Variants in CHD6 observed in about 807,000 individuals in gnomAD.
CHD6 encodes the protein chromodomain helicase DNA binding protein 6, also known as ATP-dependent chromatin remodeler CHD6.
CHD6 carries 50 observed loss-of-function variants against 276.9 expected under a neutral mutation model. That is an observed-to-expected ratio of 0.18 (90% CI 0.14 to 0.23). The LOEUF (loss-of-function observed/expected upper bound fraction) is 0.23. CHD6 is among the 10% of genes least tolerant of loss of function. The probability of loss-of-function intolerance (pLI) is 1.00; values close to 1 mark genes in which losing one functional copy is unlikely to be tolerated. For synonymous variants in CHD6, 1,173 were observed against 1,229.3 expected (o/e 0.95, Z 0.96); for missense variants, 2,564 against 3,365.8 (o/e 0.76, Z 5.89).
At chr20:41,435,163 A>G (rs181339866) in intron 27 of CHD6, among the ~76,000 whole-genome samples, 2 of 152,354 alleles carry the variant, frequency 1.3e-5, no homozygotes, top group Admixed American at 1.3e-4. Context: ...AATACATTAA[A>G]CTGAATGAAA....
chr20:41,551,251 A>C lies in CHD6; in HGVS notation c.33+54T>G, dbSNP rs929060945. On this transcript the variant is annotated intron_variant, in intron 2 of 36. Coordinates refer to ENST00000373233, the MANE Select transcript of CHD6 (RefSeq NM_032221.5). Reference sequence around the variant, plus strand: ...ACACTGCCAGTGTCTCCCCTTGTTGAAAAAGCACCAAGATACCCGGATGCA... The same window carrying C: ...ACACTGCCAGTGTCTCCCCTTGTTGCAAAAGCACCAAGATACCCGGATGCA... 3.8e-5 allele frequency: 46 copies of C among 1,217,560 alleles called. 1 individual carries two copies. Among genetic ancestry groups the C allele is most frequent in the Non-Finnish European group, 5.2e-5 (43 of 832,058 alleles). 75.4% of individuals were successfully genotyped at this position (1,217,560 alleles called of 1,614,324 possible).
chr20:41,422,522 C>T lies in CHD6; in HGVS notation c.4556-443G>A, dbSNP rs141841465. Among the ~76,000 whole-genome samples the T allele has an allele frequency of 7.4e-4, 112 of 152,194 alleles. 1 individual carries two copies. The highest frequency in any genetic ancestry group is 2.6e-3 in the African/African-American group (109 of 41,532). On this transcript the variant is annotated intron_variant, in intron 30 of 36. Coordinates refer to ENST00000373233, the MANE Select transcript of CHD6 (RefSeq NM_032221.5). ...ATTATCTGGGCATGGTAGCATGTACCTATAGTCTGGCTGCTTGGAAGGCTG... is the reference window on the plus strand; with the variant it reads ...ATTATCTGGGCATGGTAGCATGTACTTATAGTCTGGCTGCTTGGAAGGCTG...
At chr20:41,412,346 G>T in intron 35 of CHD6, 83 bp from the exon 36 acceptor site, 1 of 1,505,242 alleles carries the variant, frequency 6.6e-7, no homozygotes. Context: ...AACTGGTTTT[G>T]CTATTGTTCT....
intron 27 of CHD6, among the ~76,000 whole-genome samples, chr20:41,433,447 C>G (rs533621906): frequency 3.1e-4 from 47 of 152,158 alleles, no homozygotes; most frequent in African/African-American, 1.1e-3. Flanking sequence ...CAGAAGCAAG[C>G]GGCAGTACCT....
intron 5 of CHD6, among the ~76,000 whole-genome samples, chr20:41,506,905 A>C (rs1001800098): frequency 1.6e-4 from 24 of 152,356 alleles, no homozygotes; most frequent in Admixed American, 1.3e-3. Flanking sequence ...GAGATTTTGC[A>C]ATAGAATATG....
At chr20:41,484,248 T>A in intron 15 of CHD6, 104 bp downstream of exon 15, 1 of 1,369,982 alleles carries the variant, frequency 7.3e-7, no homozygotes, top group Middle Eastern at 2.6e-4. Context: ...AATGCGTACA[T>A]CCTAGCATAT....
In CHD6 at chr20:41,453,877, T is replaced by A. The variant is rs546266439; in HGVS notation, c.3120+749A>T. Among the ~76,000 whole-genome samples, 3 of 152,242 alleles carry A rather than the reference T, an allele frequency of 2.0e-5. No homozygotes were observed. The East Asian group carries it at 5.8e-4, about 29-fold the overall frequency. ...GCAACCTGTGGTCGTTCTGGCTGGGTGCTGGTTACTGAATTAGCTAGCTAC... is the reference window on the plus strand; with the variant it reads ...GCAACCTGTGGTCGTTCTGGCTGGGAGCTGGTTACTGAATTAGCTAGCTAC... On this transcript the variant is annotated intron_variant, in intron 20 of 36. Coordinates refer to ENST00000373233, the MANE Select transcript of CHD6 (RefSeq NM_032221.5).
At position 41,421,231 on chromosome 20, in the gene CHD6, T is replaced by C. The variant is rs755213389; in HGVS notation, c.5404A>G (p.Ile1802Val). The change falls in exon 31 of 37, where the codon ATT becomes GTT. Residue 1802 changes from isoleucine to valine, a missense_variant. By Grantham distance (29) the Ile-to-Val change is conservative. Around this residue, in one of 7 missense-constraint regions of CHD6, gnomAD observed 1,024 missense variants for 1,047.9 expected, o/e 0.98. Transcript: ENST00000373233. Reference sequence around the variant, plus strand: ...AAACACTTGGCTTCCAGCTGGCCAATGTTTTCAGGTCTCTGTCCTGCCTCA... The same window carrying C: ...AAACACTTGGCTTCCAGCTGGCCAACGTTTTCAGGTCTCTGTCCTGCCTCA... ...CSEAGQRPEN[I>V]GQLEAKCLAS... 18 of 1,613,730 alleles carry C rather than the reference T, an allele frequency of 1.1e-5. No individual in the cohort carries two copies. The East Asian group carries it at 3.8e-4, about 34-fold the overall frequency.
intron 15 of CHD6, 48 bp downstream of exon 15, chr20:41,484,304 G>T (rs200489768): frequency 2.7e-5 from 44 of 1,603,254 alleles, no homozygotes; most frequent in Non-Finnish European, 3.6e-5. Context: ...TTAGCTTCTC[G>T]CAGAGGTCAT....
intron 2 of CHD6, among the ~76,000 whole-genome samples, chr20:41,537,472 G>T (rs538578986): frequency 6.5e-4 from 99 of 152,204 alleles, no homozygotes; most frequent in African/African-American, 2.3e-3. Context: ...TTTAAATAAG[G>T]GACTTGAGCA....
intron 17 of CHD6, among the ~76,000 whole-genome samples, chr20:41,466,699 C>G (rs1160444427): frequency 6.6e-6 from 1 of 152,138 alleles, no homozygotes; most frequent in Non-Finnish European, 1.5e-5. Context: ...CAAGAGGGAG[C>G]TGAAAAGTTC....
rs1198261285 is a variant in CHD6, at chr20:41,509,719, T to C, written c.852+3127A>G. Among the ~76,000 whole-genome samples, 4 of 152,204 alleles carry C rather than the reference T, an allele frequency of 2.6e-5. No individual in the cohort carries two copies. The East Asian group carries it at 7.7e-4, about 29-fold the overall frequency. ...CTGAGACAGGCTTGTCAACAGTCTT[T>C]ACATTGTAAAGGCACTGCAGAATTC... On this transcript the variant is annotated intron_variant, in intron 5 of 36. Transcript: ENST00000373233.
At position 41,554,377 on chromosome 20, in the gene CHD6, TTTTATTTATTTA is replaced by T. The variant is rs138632294; in HGVS notation, c.-23-3029_-23-3018del. Among the ~76,000 whole-genome samples, 28 of 150,206 alleles carry T rather than the reference TTTTATTTATTTA, an allele frequency of 1.9e-4. No individual in the cohort carries two copies. The East Asian group carries it at 3.4e-3, about 18-fold the overall frequency. ...TATAATTGCTAATGGCACTTTTATT[TTTTATTTATTTA>T]TTTATTTATTTATTTATTTTATTGA... On this transcript the variant is annotated intron_variant, in intron 1 of 36. Transcript: ENST00000373233.
intron 17 of CHD6, among the ~76,000 whole-genome samples, chr20:41,464,769 T>A: frequency 6.6e-6 from 1 of 152,154 alleles, no homozygotes; most frequent in East Asian, 1.9e-4. Flanking sequence ...AATGCTGTTC[T>A]CAAGTAAAAG....
At chr20:41,607,094 T>C (rs2045837631) in intron 1 of CHD6, among the ~76,000 whole-genome samples, 1 of 152,184 alleles carries the variant, frequency 6.6e-6, no homozygotes, top group African/African-American at 2.4e-5. Context: ...CAGTACTCCA[T>C]GGCTCTCCAC....
chr20:41,609,706 A>G (rs1261793829), intron 1 of CHD6, among the ~76,000 whole-genome samples: 3 of 152,202 alleles, frequency 2.0e-5, no homozygotes, highest in Non-Finnish European at 2.9e-5. Context: ...TGCCTAAATG[A>G]CTAACAATTT....
At chr20:41,593,111 G>A (rs1216496967) in intron 1 of CHD6, among the ~76,000 whole-genome samples, 1 of 148,892 alleles carries the variant, frequency 6.7e-6, no homozygotes, top group African/African-American at 2.5e-5. Context: ...TGCCTCCAAG[G>A]AGAAGATTCA....
At chr20:41,600,562 G>A (rs2146284883) in intron 1 of CHD6, among the ~76,000 whole-genome samples, 1 of 152,240 alleles carries the variant, frequency 6.6e-6, no homozygotes, top group South Asian at 2.1e-4. Context: ...CAGTATACTT[G>A]AGATTAGTAC....
chr20:41,612,276 A>AC (rs974814800), intron 1 of CHD6, among the ~76,000 whole-genome samples: 6 of 152,122 alleles, frequency 3.9e-5, no homozygotes, highest in African/African-American at 1.4e-4. Context: ...ACAAGAGCTT[A>AC]TTTTTTTACA....
Sources: gnomAD v4.1 joint callset for allele counts (sites outside exome capture counted in the v4.1 genomes callset) on GRCh38, gnomAD v4.1.1 for gene constraint, gnomAD v4.1.1 regional missense constraint, MANE v1.5 for transcripts, NCBI Gene and HGNC (gene_info 2026-07-23, HGNC 2026-07-21) for gene names.